DLG2: variants seen among roughly 807,000 people sequenced by gnomAD.
DLG2 encodes disks large homolog 2.
In DLG2, 45 loss-of-function variants were observed where a neutral mutation model predicts 132.5. That is an observed-to-expected ratio of 0.34 (90% CI 0.27 to 0.44). The LOEUF (loss-of-function observed/expected upper bound fraction) is 0.44, where lower values mean the gene tolerates loss of function less well. Ranked by LOEUF, DLG2 falls within the 20% of genes least tolerant of loss-of-function variation. The probability of loss-of-function intolerance (pLI) is 1.00; values close to 1 mark genes in which losing one functional copy is unlikely to be tolerated. For missense variants in DLG2, 1,045 were observed against 1,196.9 expected (o/e 0.87, Z 1.87); for synonymous variants, 424 against 419.6 (o/e 1.01, Z -0.13).
At chr11:85,297,340 C>T (rs964270018) in intron 3 of DLG2, among the ~76,000 whole-genome samples, 1 of 152,138 alleles carries the variant, frequency 6.6e-6, no homozygotes, top group African/African-American at 2.4e-5. Context: ...GTTGCAAGAA[C>T]CATCCGATCA....
chr11:85,082,495 G>C (rs1284934665), intron 6 of DLG2, among the ~76,000 whole-genome samples: 1 of 152,012 alleles, frequency 6.6e-6, no homozygotes, highest in African/African-American at 2.4e-5. Flanking sequence ...ATCTCCCCAT[G>C]ACTGTTTAAA....
rs146885252 is a variant in DLG2 at position 84,588,961 on chromosome 11, G to C, written c.358-54230C>G. Among the ~76,000 whole-genome samples, 3 of 152,098 alleles carry C rather than the reference G, an allele frequency of 2.0e-5. No homozygotes were observed. The East Asian group carries it at 5.8e-4, about 29-fold the overall frequency. On this transcript the variant is annotated intron_variant, in intron 6 of 27. Coordinates refer to ENST00000376104, the MANE Select transcript of DLG2 (RefSeq NM_001142699.3). ...AGAACCCTCTCTTGGGGTCTGGATT[G>C]GGACCCCTTTCTGGTAACATCTTTC...
chr11:85,524,568 C>T (rs2074594617), intron 3 of DLG2, among the ~76,000 whole-genome samples: 1 of 152,160 alleles, frequency 6.6e-6, no homozygotes, highest in Non-Finnish European at 1.5e-5. Context: ...TCCCAGCTCA[C>T]AGCAGCCTCC....
chr11:84,719,385 G>T (rs1384736236), intron 6 of DLG2, among the ~76,000 whole-genome samples: 1 of 152,268 alleles, frequency 6.6e-6, no homozygotes, highest in South Asian at 2.1e-4. Flanking sequence ...AGTCACCATA[G>T]TAGCCACATG....
At chr11:84,221,492 C>A (rs141733577) in intron 8 of DLG2, among the ~76,000 whole-genome samples, 2 of 151,944 alleles carry the variant, frequency 1.3e-5, no homozygotes, top group African/African-American at 4.8e-5. Context: ...TATTAAGAAG[C>A]AGCTATTCTC....
intron 6 of DLG2, among the ~76,000 whole-genome samples, chr11:84,894,628 A>G (rs1261267036): frequency 6.6e-6 from 1 of 152,178 alleles, no homozygotes; most frequent in Non-Finnish European, 1.5e-5. Flanking sequence ...GTTCTAAGGC[A>G]GGGAATTCTT....
chr11:84,502,552 T>C (rs1591017086), intron 7 of DLG2, among the ~76,000 whole-genome samples: 1 of 151,022 alleles, frequency 6.6e-6, no homozygotes, highest in Non-Finnish European at 1.5e-5. Context: ...CCCGCCACCA[T>C]ACCTGGCTAA....
chr11:83,731,406 TGTTA>T (rs2090982837), intron 18 of DLG2, among the ~76,000 whole-genome samples: 1 of 152,184 alleles, frequency 6.6e-6, no homozygotes, highest in Non-Finnish European at 1.5e-5. Context: ...TCTGTTCCTG[TGTTA>T]GTTTGCTGAG....
chr11:84,895,279 A>G (rs2090035689), intron 6 of DLG2, among the ~76,000 whole-genome samples: 1 of 152,168 alleles, frequency 6.6e-6, no homozygotes, highest in Non-Finnish European at 1.5e-5. Flanking sequence ...CATTGATGCT[A>G]TTTTAAAACA....
chr11:83,913,801 A>G (rs1008715857), intron 15 of DLG2, among the ~76,000 whole-genome samples: 1 of 152,160 alleles, frequency 6.6e-6, no homozygotes, highest in African/African-American at 2.4e-5. Context: ...GTGAACTGAA[A>G]GAACTGATAT....
chr11:85,057,984 A>T (rs1160402043), intron 6 of DLG2, among the ~76,000 whole-genome samples: 2 of 151,522 alleles, frequency 1.3e-5, no homozygotes, highest in Non-Finnish European at 3.0e-5. Context: ...TATTAATGTG[A>T]AATATTAGAA....
chr11:83,507,794 A>ATATATATG (rs2094806902), intron 21 of DLG2, among the ~76,000 whole-genome samples: 1 of 109,752 alleles, frequency 9.1e-6, no homozygotes, highest in African/African-American at 3.5e-5. Context: ...ATATATATAT[A>ATATATATG]TATATGTATA....
intron 6 of DLG2, among the ~76,000 whole-genome samples, chr11:84,677,511 CCTTAT>C (rs1214059032): frequency 2.6e-5 from 4 of 152,010 alleles, no homozygotes; most frequent in Admixed American, 1.3e-4. Flanking sequence ...ACAAATCCTT[CCTTAT>C]AAGAATAGCC....
intron 3 of DLG2, among the ~76,000 whole-genome samples, chr11:85,362,313 T>G (rs975849543): frequency 6.6e-6 from 1 of 152,178 alleles, no homozygotes; most frequent in Non-Finnish European, 1.5e-5. Context: ...CCTCCCTGAT[T>G]TAATATGTCC....
At chr11:84,368,556 C>T (rs4943892) in intron 7 of DLG2, among the ~76,000 whole-genome samples, 54,245 of 151,904 alleles carry the variant, frequency 0.36, 14,505 homozygotes, top group African/African-American at 0.75. Context: ...AGGAAGATCA[C>T]GTATTTGGTG....
intron 6 of DLG2, among the ~76,000 whole-genome samples, chr11:84,565,347 C>T (rs146888006): frequency 6.6e-6 from 1 of 152,196 alleles, no homozygotes; most frequent in African/African-American, 2.4e-5. Context: ...CAGTTATTTG[C>T]TGTATAATAC....
chr11:84,550,785 T>C (rs777461732), intron 6 of DLG2, among the ~76,000 whole-genome samples: 1 of 152,224 alleles, frequency 6.6e-6, no homozygotes, highest in Non-Finnish European at 1.5e-5. Context: ...GCGTGTTATA[T>C]GCTAATCACT....
chr11:85,033,562 T>C (rs2061206364), intron 6 of DLG2, among the ~76,000 whole-genome samples: 1 of 152,194 alleles, frequency 6.6e-6, no homozygotes, highest in African/African-American at 2.4e-5. Flanking sequence ...TTTTGTGCTG[T>C]CCTCAAACCC....
rs150026564 is a variant in DLG2, at chr11:85,270,317, C to T, written c.186+14903G>A. On this transcript the variant is annotated intron_variant, in intron 4 of 27. Transcript: ENST00000376104. ...GCATAAGTTGTCTTCTCTTGTCTGC[C>T]GCCATGTGAGACATGCCTTCTACTT... 1.2e-3 allele frequency among the ~76,000 whole-genome samples: 183 copies of T among 152,218 alleles called. 1 individual carries two copies. Among genetic ancestry groups the T allele is most frequent in the African/African-American group, 4.1e-3 (170 of 41,528 alleles).
Sources: gnomAD v4.1 joint callset for allele counts (sites outside exome capture counted in the v4.1 genomes callset) on GRCh38, gnomAD v4.1.1 for gene constraint, MANE v1.5 for transcripts, NCBI Gene and HGNC (gene_info 2026-07-23, HGNC 2026-07-21) for gene names.